PKP2: variants seen among roughly 807,000 people sequenced by gnomAD.
PKP2 encodes the protein plakophilin-2.
PKP2 carries 73 observed loss-of-function variants against 83.4 expected under a neutral mutation model. The ratio of observed to expected loss-of-function variants is 0.88; its 90% CI spans 0.72 to 1.06. PKP2 has a LOEUF of 1.06. Ranked by LOEUF, PKP2 falls within the 50% of genes least tolerant of loss-of-function variation. The pLI, the probability that PKP2 is intolerant of heterozygous loss-of-function variation, is 0.00. For missense variants in PKP2, 966 were observed against 1,065.4 expected, an observed-to-expected ratio of 0.91 and a Z score of 1.30; for synonymous variants, 409 against 430.4, an observed-to-expected ratio of 0.95 and a Z score of 0.62.
At chr12:32,810,051 T>C (rs1017844684) in intron 9 of PKP2, among the ~76,000 whole-genome samples, 1 of 152,216 alleles carries the variant, frequency 6.6e-6, no homozygotes, top group African/African-American at 2.4e-5. Flanking sequence ...ATTTTAGCAG[T>C]CTCTCTTTGA....
chr12:32,873,568 C>T (rs780420502), intron 3 of PKP2, among the ~76,000 whole-genome samples: 3 of 151,168 alleles, frequency 2.0e-5, no homozygotes, highest in Admixed American at 6.6e-5. Flanking sequence ...CTTGCTCCTT[C>T]GCCCAGGCTG....
intron 11 of PKP2, 66 bp downstream of exon 11, chr12:32,796,043 G>T: frequency 1.4e-6 from 2 of 1,387,116 alleles, no homozygotes; most frequent in Non-Finnish European, 2.1e-6. Context: ...TTCACAACCG[G>T]ATTATTTACA....
chr12:32,860,695 T>C (rs1254853001), intron 4 of PKP2, among the ~76,000 whole-genome samples: 1 of 152,140 alleles, frequency 6.6e-6, no homozygotes, highest in Non-Finnish European at 1.5e-5. Context: ...AAATGCACAC[T>C]GCACATGTAT....
intron 4 of PKP2, among the ~76,000 whole-genome samples, chr12:32,862,885 G>C (rs1365979989): frequency 6.6e-6 from 1 of 152,010 alleles, no homozygotes; most frequent in Non-Finnish European, 1.5e-5. Flanking sequence ...TGTAATTCCA[G>C]CTATTCGGGA....
At chr12:32,802,355 G>A (rs1956188996) in intron 10 of PKP2, 48 bp downstream of exon 10, 1 of 1,563,440 alleles carries the variant, frequency 6.4e-7, no homozygotes, top group Non-Finnish European at 8.8e-7. Flanking sequence ...TCATTGCATT[G>A]TATCTTCAGC....
chr12:32,794,847 TCTTC>T (rs1454072895), intron 11 of PKP2, among the ~76,000 whole-genome samples: 2 of 152,162 alleles, frequency 1.3e-5, no homozygotes, highest in Non-Finnish European at 2.9e-5. Context: ...CTAAATGCAG[TCTTC>T]CTTCCTTGTG....
At chr12:32,802,631 C>T in intron 9 of PKP2, 75 bp from the exon 10 acceptor site, 1 of 1,243,340 alleles carries the variant, frequency 8.0e-7, no homozygotes, top group Non-Finnish European at 1.2e-6. Context: ...TGTAGATTAC[C>T]AGAGGTTGAT....
At chr12:32,871,713 C>T (rs183671996) in intron 3 of PKP2, among the ~76,000 whole-genome samples, 1 of 152,264 alleles carries the variant, frequency 6.6e-6, no homozygotes, top group African/African-American at 2.4e-5. Context: ...ATCCACCCAC[C>T]TCAGCCTCCC....
chr12:32,868,885 A>G, intron 4 of PKP2, 42 bp downstream of exon 4: 4 of 1,601,098 alleles, frequency 2.5e-6, no homozygotes, highest in African/African-American at 1.3e-5. Flanking sequence ...AATAGAAGTG[A>G]AAGTGTGTTG....
At chr12:32,862,301 C>T (rs1270327876) in intron 4 of PKP2, among the ~76,000 whole-genome samples, 1 of 152,158 alleles carries the variant, frequency 6.6e-6, no homozygotes, top group Non-Finnish European at 1.5e-5. Context: ...CATACAGAAG[C>T]TGAAATAATG....
intron 1 of PKP2, chr12:32,893,388 C>T (rs768064307): frequency 1.3e-5 from 2 of 152,132 alleles, no homozygotes; most frequent in Non-Finnish European, 2.9e-5. Flanking sequence ...AGGATAGTAA[C>T]ATGGAAATAA....
chr12:32,819,107 A>T (rs1956348132), intron 9 of PKP2, among the ~76,000 whole-genome samples: 1 of 151,702 alleles, frequency 6.6e-6, no homozygotes, highest in Non-Finnish European at 1.5e-5. Context: ...GTGAAACCTC[A>T]TCTCTACTAA....
chr12:32,858,885 GA>G (rs920893819), intron 4 of PKP2, among the ~76,000 whole-genome samples: 1 of 151,206 alleles, frequency 6.6e-6, no homozygotes, highest in Non-Finnish European at 1.5e-5. Flanking sequence ...GAATTCAAGT[GA>G]AAAAAAAATC....
intron 5 of PKP2, among the ~76,000 whole-genome samples, chr12:32,849,024 AC>A (rs1956673831): frequency 6.7e-6 from 1 of 150,328 alleles, no homozygotes; most frequent in Non-Finnish European, 1.5e-5. Context: ...AAAAAAAAAA[AC>A]CTCTTCTATG....
At chr12:32,892,828 G>GGC (rs796899547) in intron 1 of PKP2, among the ~76,000 whole-genome samples, 1 of 129,484 alleles carries the variant, frequency 7.7e-6, no homozygotes, top group Non-Finnish European at 1.7e-5. Flanking sequence ...CGGGGGGGGG[G>GGC]GGAGAACTGT....
intron 4 of PKP2, among the ~76,000 whole-genome samples, chr12:32,866,282 G>C (rs1956848014): frequency 6.6e-6 from 1 of 152,140 alleles, no homozygotes; most frequent in Non-Finnish European, 1.5e-5. Flanking sequence ...GCTGGGTGTG[G>C]TGGCTCATGC....
intron 5 of PKP2, chr12:32,843,363 G>A: frequency 7.4e-7 from 1 of 1,345,416 alleles, no homozygotes; most frequent in South Asian, 1.1e-5. Flanking sequence ...GCTCCTTTAT[G>A]AACACAGCAA....
intron 1 of PKP2, among the ~76,000 whole-genome samples, chr12:32,882,467 C>A (rs1280014878): frequency 1.3e-5 from 2 of 152,148 alleles, no homozygotes; most frequent in African/African-American, 2.4e-5. Context: ...CGTGCTTCTT[C>A]CATCTTTAAG....
intron 1 of PKP2, among the ~76,000 whole-genome samples, chr12:32,879,472 C>A (rs1956965943): frequency 6.6e-6 from 1 of 152,096 alleles, no homozygotes; most frequent in Non-Finnish European, 1.5e-5. Flanking sequence ...ACAGAGGTTG[C>A]AGTGAGCCAA....
Sources: allele counts gnomAD v4.1 joint callset (sites outside exome capture counted in the v4.1 genomes callset), GRCh38; gene constraint gnomAD v4.1.1; transcripts MANE v1.5; gene names NCBI Gene and HGNC (gene_info 2026-07-23, HGNC 2026-07-21).